NPY1R: variants seen among roughly 807,000 people sequenced by gnomAD.
NPY1R encodes neuropeptide Y receptor Y1, also known as neuropeptide Y receptor type 1.
A neutral mutation model predicts 24.1 loss-of-function variants in NPY1R; 10 were observed. The observed-to-expected ratio is 0.42, with a 90% CI of 0.26 to 0.71. The LOEUF (loss-of-function observed/expected upper bound fraction) is 0.71. Among genes scored for constraint, NPY1R ranks in the 30% least tolerant of loss-of-function variants. The probability of loss-of-function intolerance (pLI) is 0.28; values close to 1 mark genes in which losing one functional copy is unlikely to be tolerated. For synonymous variants in NPY1R, 168 were observed against 165.9 expected (o/e 1.01, Z -0.10); for missense variants, 350 against 458.0 (o/e 0.76, Z 2.15).
intron 1 of NPY1R, among the ~76,000 whole-genome samples, chr4:163,327,994 G>T (rs966097376): frequency 4.4e-4 from 66 of 151,514 alleles, no homozygotes; most frequent in African/African-American, 1.5e-3. Context: ...TTGAAAGAAA[G>T]ATAAAAAACT....
chr4:163,333,502 G>T (rs1163430123), upstream of NPY1R, among the ~76,000 whole-genome samples: 1 of 151,674 alleles, frequency 6.6e-6, no homozygotes, highest in Non-Finnish European at 1.5e-5. Context: ...TGTAGACGAT[G>T]AACTGATGCA....
chr4:163,334,174 C>T (rs578007467), upstream of NPY1R, among the ~76,000 whole-genome samples: 2 of 152,264 alleles, frequency 1.3e-5, no homozygotes, highest in South Asian at 2.1e-4. Flanking sequence ...AGGAAGTTTT[C>T]CCCATGGTTT....
intron 1 of NPY1R, among the ~76,000 whole-genome samples, chr4:163,327,896 G>T (rs1007283031): frequency 2.0e-5 from 3 of 152,052 alleles, no homozygotes; most frequent in African/African-American, 7.2e-5. Flanking sequence ...TTAATTAACA[G>T]GCCATCATGC....
chr4:163,333,015 T>A (rs1016983663), upstream of NPY1R: 3 of 151,406 alleles, frequency 2.0e-5, no homozygotes, highest in African/African-American at 7.3e-5. Flanking sequence ...TTCGCCACAA[T>A]AATGGCACTA....
chr4:163,341,138 G>A (rs1734971958), intron 1 of NPY1R, among the ~76,000 whole-genome samples: 1 of 151,702 alleles, frequency 6.6e-6, no homozygotes, highest in South Asian at 2.1e-4. Context: ...TAAGAAGTTG[G>A]CTCCTCATTT....
At chr4:163,343,496 A>C (rs1306753105) in intron 1 of NPY1R, among the ~76,000 whole-genome samples, 1 of 147,160 alleles carries the variant, frequency 6.8e-6, no homozygotes, top group African/African-American at 2.5e-5. Flanking sequence ...ACCACCCCCC[A>C]CCGTCCCCCA....
intron 1 of NPY1R, among the ~76,000 whole-genome samples, chr4:163,343,026 G>C: frequency 7.7e-6 from 1 of 130,114 alleles, no homozygotes; most frequent in Admixed American, 8.0e-5. Context: ...ACACGCGCGC[G>C]CGCCTAAAGT....
intron 1 of NPY1R, among the ~76,000 whole-genome samples, chr4:163,343,010 ACACACACACG>A (rs1735041501): frequency 3.8e-5 from 3 of 79,598 alleles, no homozygotes; most frequent in South Asian, 6.9e-4. Flanking sequence ...ACACACACAC[ACACACACACG>A]CGCGCGCGCC....
At chr4:163,332,790 A>G (rs1560858521), upstream of NPY1R, 1 of 152,326 alleles carries the variant, frequency 6.6e-6, no homozygotes, top group African/African-American at 2.4e-5. Context: ...ATTATTCGAC[A>G]CAGACCTCCC....
chr4:163,335,960 T>C (rs1261933921), upstream of NPY1R, among the ~76,000 whole-genome samples: 1 of 152,238 alleles, frequency 6.6e-6, no homozygotes, highest in Non-Finnish European at 1.5e-5. Context: ...AAATAGTCAG[T>C]ACAATCATTT....
rs1734594947 is a variant in NPY1R, at chr4:163,325,941, T to G, written c.614A>C (p.Asp205Ala). 1 of 1,612,970 alleles carries G rather than the reference T, an allele frequency of 6.2e-7. No individual in the cohort carries two copies. The highest frequency in any genetic ancestry group is 1.3e-5 in the African/African-American group (1 of 74,644). The change falls in exon 2 of 3, where the codon GAC becomes GCC. Residue 205 changes from aspartate (D) to alanine (A), a missense_variant. Coordinates refer to ENST00000296533, the MANE Select transcript of NPY1R (RefSeq NM_000909.6). The stretch of plus-strand genomic sequence containing the variant: ...AGTGGTATAAGACAACCTATGAGAG[T>G]CCGATGGAAATTGATCAAAGCACAC... ...KYVCFDQFPSDSHRLSYTTLL... is the reference protein window; with the variant it reads ...KYVCFDQFPSASHRLSYTTLL...
At chr4:163,337,666 C>T (rs2110813956), upstream of NPY1R, among the ~76,000 whole-genome samples, 1 of 152,276 alleles carries the variant, frequency 6.6e-6, no homozygotes, top group Admixed American at 6.5e-5. Flanking sequence ...GAGTTGTATT[C>T]CACTAAGTTT....
chr4:163,337,394 C>T (rs1404732145), upstream of NPY1R, among the ~76,000 whole-genome samples: 3 of 152,198 alleles, frequency 2.0e-5, no homozygotes, highest in African/African-American at 7.2e-5. Flanking sequence ...CCTCTCCCAG[C>T]CTCCTACCTC....
chr4:163,325,558 C>T lies in NPY1R; in HGVS notation c.900G>A (p.Leu300=). 2 of 1,614,048 alleles carry T rather than the reference C, an allele frequency of 1.2e-6. No individual in the cohort carries two copies. The highest frequency in any genetic ancestry group is 2.2e-5 in the East Asian group (1 of 44,880). ...HQIIATCNHN[L]LFLLCHLTAM... ...CTGTGAGGTGGCAGAGCAGGAATAA[C>T]AGATTGTGGTTGCAGGTAGCAATGA... is the stretch of plus-strand genomic sequence containing the variant. The change falls in exon 3 of 3, where the codon CTG becomes CTA. Residue 300 remains leucine, a synonymous_variant. Coordinates refer to ENST00000296533, the MANE Select transcript of NPY1R (RefSeq NM_000909.6).
intron 1 of NPY1R, among the ~76,000 whole-genome samples, chr4:163,341,359 T>A (rs1031420229): frequency 1.3e-5 from 2 of 152,144 alleles, no homozygotes; most frequent in Admixed American, 1.3e-4. Flanking sequence ...AAAATAATAC[T>A]GTTTTCTCTA....
Position 163,324,241 on chromosome 4 carries a change from A to G in NPY1R, c.*1062T>C, listed in dbSNP as rs1734553193. 1 of 152,624 alleles carries G rather than the reference A, an allele frequency of 6.6e-6. No homozygotes were observed. The highest frequency in any genetic ancestry group is 6.5e-5 in the Admixed American group (1 of 15,282). The allele number at this position is 152,624 out of a possible 1,614,324, so 9.5% of individuals were successfully genotyped here. ...AAAATGGGCTATATGAAGTATCTGC[A>G]GTTTTTGTGTATTTTTCCCTGCTAG... On this transcript the variant is annotated 3_prime_UTR_variant, in exon 3 of 3. Transcript: ENST00000296533.
At chr4:163,334,902 T>C (rs930372502), upstream of NPY1R, among the ~76,000 whole-genome samples, 2 of 145,970 alleles carry the variant, frequency 1.4e-5, no homozygotes, top group African/African-American at 5.0e-5. Flanking sequence ...AACAGCAAAA[T>C]TATATAATTC....
intron 1 of NPY1R, among the ~76,000 whole-genome samples, chr4:163,330,307 C>G (rs574932333): frequency 6.6e-6 from 1 of 152,296 alleles, no homozygotes; most frequent in South Asian, 2.1e-4. Flanking sequence ...ATTTAATAGG[C>G]ATGCCCAATG....
chr4:163,344,295 C>G (rs1452273539), intron 1 of NPY1R: 1 of 152,356 alleles, frequency 6.6e-6, no homozygotes, highest in African/African-American at 2.4e-5. Context: ...CCCTCCGGTT[C>G]CCAACTCACC....
Sources: allele counts gnomAD v4.1 joint callset (sites outside exome capture counted in the v4.1 genomes callset), GRCh38; gene constraint gnomAD v4.1.1; transcripts MANE v1.5; gene names NCBI Gene and HGNC (gene_info 2026-07-23, HGNC 2026-07-21).